FNIP2: variants seen among roughly 807,000 people sequenced by gnomAD.
The protein encoded by FNIP2 is folliculin interacting protein 2.
FNIP2 carries 32 observed loss-of-function variants against 108.7 expected under a neutral mutation model. The ratio of observed to expected loss-of-function variants is 0.29; its 90% CI spans 0.22 to 0.40. FNIP2 has a LOEUF of 0.40. FNIP2 is among the 10% of genes least tolerant of loss of function. The pLI, the probability that FNIP2 is intolerant of heterozygous loss-of-function variation, is 1.00. For synonymous variants in FNIP2, 480 were observed against 496.7 expected, an observed-to-expected ratio of 0.97 and a Z score of 0.45; for missense variants, 1,202 against 1,381.6, an observed-to-expected ratio of 0.87 and a Z score of 2.06.
chr4:158,889,927 C>T, intron 14 of FNIP2: 1 of 985,034 alleles, frequency 1.0e-6, no homozygotes, highest in Non-Finnish European at 1.2e-6. Context: ...GTCACTGAAG[C>T]CTTGTATCTT....
At chr4:158,889,262 C>T (rs942902571) in intron 14 of FNIP2, among the ~76,000 whole-genome samples, 2 of 152,338 alleles carry the variant, frequency 1.3e-5, no homozygotes, top group African/African-American at 4.8e-5. Context: ...ATTTCTCTTG[C>T]ATGCTTACTT....
chr4:158,859,900 G>A (rs1780187127), intron 10 of FNIP2, among the ~76,000 whole-genome samples: 1 of 152,174 alleles, frequency 6.6e-6, no homozygotes, highest in African/African-American at 2.4e-5. Flanking sequence ...TTAACAGGAT[G>A]AATGGGGAAA....
Position 158,854,889 on chromosome 4 carries a change from G to T in FNIP2, c.857+3439G>T, listed in dbSNP as rs1463451086. Among the ~76,000 whole-genome samples the T allele has an allele frequency of 3.3e-5, 5 of 152,184 alleles. 1 individual carries two copies. Among genetic ancestry groups the T allele is most frequent in the Admixed American group, 6.5e-5 (1 of 15,276 alleles). ...GGAGGGTCTTATGATCTATTTTCAGGCAAGGTAGGTCAGAGAAATTATTTG... is the reference window on the plus strand; with the variant it reads ...GGAGGGTCTTATGATCTATTTTCAGTCAAGGTAGGTCAGAGAAATTATTTG... On this transcript the variant is annotated intron_variant, in intron 8 of 16. Transcript: ENST00000264433.
chr4:158,804,326 C>T (rs1776863820), intron 1 of FNIP2, among the ~76,000 whole-genome samples: 1 of 151,664 alleles, frequency 6.6e-6, no homozygotes, highest in Non-Finnish European at 1.5e-5. Flanking sequence ...ATAAAACCTG[C>T]ATGAGGTACA....
chr4:158,775,858 G>A (rs759790247), intron 1 of FNIP2, among the ~76,000 whole-genome samples: 3 of 152,034 alleles, frequency 2.0e-5, no homozygotes, highest in Non-Finnish European at 2.9e-5. Flanking sequence ...TTGGATCCCC[G>A]ATTATCATAT....
Position 158,868,506 on chromosome 4 carries a change from C to T in FNIP2, c.1870C>T (p.Gln624Ter), listed in dbSNP as rs1427027534. 6.2e-7 allele frequency: 1 copy of T among 1,613,992 alleles called. No individual in the cohort carries two copies. Among genetic ancestry groups the T allele is most frequent in the South Asian group, 1.1e-5 (1 of 91,080 alleles). The change falls in exon 13 of 17, where the codon CAG becomes TAG. Residue 624 changes from glutamine (Q) to a stop codon, truncating the protein, a stop_gained. Transcript: ENST00000264433. LOFTEE classifies it high-confidence loss of function. This position sits in a 1 kb window ranked among gnomAD's most constrained non-coding sequence, Gnocchi z 4.6. ...PDKEANRRPE[Q>*]GSEACSAGCL... is the part of the protein sequence containing the mutation. ...CAAAGAAGCTAACAGGAGGCCAGAGCAGGGTTCTGAGGCTTGCAGCGCAGG... is the reference window on the plus strand; with the variant it reads ...CAAAGAAGCTAACAGGAGGCCAGAGTAGGGTTCTGAGGCTTGCAGCGCAGG...
At chr4:158,819,774 T>G (rs2126539923) in intron 1 of FNIP2, among the ~76,000 whole-genome samples, 1 of 152,370 alleles carries the variant, frequency 6.6e-6, no homozygotes, top group African/African-American at 2.4e-5. Flanking sequence ...TTCCCTTTTC[T>G]TCCACCCCCA....
chr4:158,865,095 T>C (rs1426457484), intron 12 of FNIP2, among the ~76,000 whole-genome samples: 1 of 152,190 alleles, frequency 6.6e-6, no homozygotes, highest in Non-Finnish European at 1.5e-5. Flanking sequence ...CCTATTTCAC[T>C]TGGAAGCACG....
At position 158,905,367 on chromosome 4, in the gene FNIP2, CACTTACCAAAGTTATTTCT is replaced by C. The variant is rs1250526491; in HGVS notation, c.*825_*843del. Reference sequence around the variant, plus strand: ...TTTCAGCAGCCTTTTTAAGAGAGGCCACTTACCAAAGTTATTTCTATAAGCTCAAGAGTGTTTCGGTTGG... The same window carrying C: ...TTTCAGCAGCCTTTTTAAGAGAGGCCATAAGCTCAAGAGTGTTTCGGTTGG... On this transcript the variant is annotated 3_prime_UTR_variant, in exon 17 of 17. Coordinates refer to ENST00000264433, the MANE Select transcript of FNIP2 (RefSeq NM_020840.3). 3.3e-5 allele frequency: 5 copies of C among 152,102 alleles called. No homozygotes were observed. The highest frequency in any genetic ancestry group is 7.4e-5 in the Non-Finnish European group (5 of 68,014). The allele number at this position is 152,102 out of a possible 1,614,324, so 9.4% of individuals were successfully genotyped here. A position where few individuals can be genotyped will look rare whatever the true frequency, so the allele number is the denominator to read the frequency against.
In FNIP2 at chr4:158,844,446, C is replaced by T. The variant is rs574977991; in HGVS notation, c.728-6875C>T. 7.2e-5 allele frequency among the ~76,000 whole-genome samples: 11 copies of T among 152,246 alleles called. No homozygotes were observed. The East Asian group carries it at 2.1e-3, about 29-fold the overall frequency. On this transcript the variant is annotated intron_variant, in intron 7 of 16. Transcript: ENST00000264433. ...GGCATTTAAGTCTCAGTTGAGATGA[C>T]CCATTTTCATAAAGGTGATGTCGAC...
At chr4:158,893,539 T>A in intron 15 of FNIP2, 1 of 580,514 alleles carries the variant, frequency 1.7e-6, no homozygotes, top group East Asian at 2.8e-5. Context: ...ACACCTTTTT[T>A]CCAAACTGTT....
At chr4:158,842,283 A>G (rs1779173022) in intron 7 of FNIP2, among the ~76,000 whole-genome samples, 1 of 152,260 alleles carries the variant, frequency 6.6e-6, no homozygotes, top group East Asian at 1.9e-4. Context: ...AAAGGAATAA[A>G]TCTAAGAAAA....
chr4:158,888,788 A>G (rs1782143771), intron 14 of FNIP2, among the ~76,000 whole-genome samples: 1 of 151,844 alleles, frequency 6.6e-6, no homozygotes, highest in Non-Finnish European at 1.5e-5. Flanking sequence ...CCCAGGAGAC[A>G]TGAGAATCGC....
intron 1 of FNIP2, among the ~76,000 whole-genome samples, chr4:158,772,140 T>A (rs1381918587): frequency 6.6e-6 from 1 of 152,170 alleles, no homozygotes; most frequent in South Asian, 2.1e-4. Flanking sequence ...GGAATCACGA[T>A]TGACCAAACT....
chr4:158,770,981 C>CA (rs540879447), intron 1 of FNIP2, among the ~76,000 whole-genome samples: 11 of 151,772 alleles, frequency 7.2e-5, no homozygotes, highest in South Asian at 2.1e-4. Context: ...TGTATTTGAA[C>CA]AAAAAAAATA....
In FNIP2 at chr4:158,851,415, G is replaced by A. The variant is rs769007628; in HGVS notation, c.822G>A (p.Gln274=). 16 of 1,613,834 alleles carry A rather than the reference G, an allele frequency of 9.9e-6. No individual in the cohort carries two copies. In the African/African-American group the frequency reaches 2.1e-4, roughly 22 times the overall value. ...SSYQRRWLRS[Q]TTSLENGIIP... ...ACCAGCGCCGCTGGCTTCGAAGTCAGACAACAAGTTTGGAAAATGGCATCA... is the reference window on the plus strand; with the variant it reads ...ACCAGCGCCGCTGGCTTCGAAGTCAAACAACAAGTTTGGAAAATGGCATCA... The change falls in exon 8 of 17, where the codon CAG becomes CAA. Residue 274 remains glutamine (Q), a synonymous_variant. Coordinates refer to ENST00000264433, the MANE Select transcript of FNIP2 (RefSeq NM_020840.3).
intron 1 of FNIP2, among the ~76,000 whole-genome samples, chr4:158,825,009 G>A (rs539501836): frequency 2.8e-4 from 42 of 152,100 alleles, no homozygotes; most frequent in Admixed American, 7.9e-4. Context: ...TGATACATTC[G>A]TCTGTGATTA....
At chr4:158,839,355 C>CTTT (rs1778988444) in intron 7 of FNIP2, among the ~76,000 whole-genome samples, 1 of 128,186 alleles carries the variant, frequency 7.8e-6, no homozygotes, top group Non-Finnish European at 1.9e-5. Flanking sequence ...TACTTCATTT[C>CTTT]TATTATTTAT....
At chr4:158,892,394 G>A (rs575805160) in intron 15 of FNIP2, among the ~76,000 whole-genome samples, 3 of 152,040 alleles carry the variant, frequency 2.0e-5, no homozygotes, top group Non-Finnish European at 4.4e-5. Context: ...TTCCAAATGG[G>A]ATTTTAAAAT....
Sources: allele counts gnomAD v4.1 joint callset (sites outside exome capture counted in the v4.1 genomes callset), GRCh38; gene constraint gnomAD v4.1.1; non-coding constraint Gnocchi (gnomAD v3.1); transcripts MANE v1.5; gene names NCBI Gene and HGNC (gene_info 2026-07-23, HGNC 2026-07-21).